The following NISCH variants were observed in gnomAD, a reference collection of about 807,000 sequenced individuals.
NISCH encodes the protein I-1 receptor candidate protein.
A neutral mutation model predicts 138.4 loss-of-function variants in NISCH; 55 were observed. That is an observed-to-expected ratio of 0.40 (90% confidence interval 0.32 to 0.50). The LOEUF is 0.50. NISCH is among the 20% of genes least tolerant of loss of function. NISCH has a pLI of 0.71. For synonymous variants in NISCH, 860 were observed against 861.5 expected (o/e 1.00, Z 0.03); for missense variants, 1,643 against 2,005.5 (o/e 0.82, Z 3.45).
intron 4 of NISCH, chr3:52,471,468 A>C: frequency 2.6e-6 from 1 of 382,692 alleles, no homozygotes; most frequent in Non-Finnish European, 4.8e-6. Context: ...GGGTGTTTGC[A>C]TTTCGGAGGT....
At chr3:52,457,319 G>T (rs987455236) in intron 1 of NISCH, among the ~76,000 whole-genome samples, 1 of 152,160 alleles carries the variant, frequency 6.6e-6, no homozygotes, top group Non-Finnish European at 1.5e-5. Flanking sequence ...TTGATTCCTG[G>T]CTCAGCAGCA....
chr3:52,473,589 A>G (rs1171221165), intron 6 of NISCH, 145 bp from the exon 7 acceptor site: 3 of 532,830 alleles, frequency 5.6e-6, no homozygotes, highest in South Asian at 2.8e-5. Context: ...AAAAAGAGAC[A>G]CTTTGGTCTT....
intron 3 of NISCH, among the ~76,000 whole-genome samples, chr3:52,464,517 C>CTTTTTTTTTTTTTTTTT (rs71084185): frequency 7.9e-5 from 6 of 75,818 alleles, no homozygotes; most frequent in African/African-American, 1.1e-4. Context: ...TGTGAGTTGT[C>CTTTTTTTTTTTTTTTTT]TTTTTTTTTT....
Position 52,491,953 on chromosome 3 carries a change from C to G in NISCH, c.3986C>G (p.Thr1329Arg), listed in dbSNP as rs750890708. 3 of 1,613,688 alleles carry G rather than the reference C, an allele frequency of 1.9e-6. No homozygotes were observed. The highest frequency in any genetic ancestry group is 2.2e-5 in the South Asian group (2 of 91,084). Residue 1329 changes from threonine (T) to arginine (R), a missense_variant, in exon 21 of 21, where the codon ACG becomes AGG. By Grantham distance (71) the Thr-to-Arg change is moderately conservative (BLOSUM62 -1). Coordinates refer to ENST00000345716, the MANE Select transcript of NISCH (RefSeq NM_007184.4). Reference sequence around the variant, plus strand: ...AGTGAGGAGGAGATTGGGGACCTGACGTTCACTGTGGCCCAAAAGATGGCT... The same window carrying G: ...AGTGAGGAGGAGATTGGGGACCTGAGGTTCACTGTGGCCCAAAAGATGGCT... ...YPSEEEIGDL[T>R]FTVAQKMAEP... is the part of the protein sequence containing the mutation.
At chr3:52,484,462 T>TTGGGCC in intron 13 of NISCH, 51 bp from the exon 14 acceptor site, 396 of 788,606 alleles carry the variant, frequency 5.0e-4, no homozygotes, top group Non-Finnish European at 6.6e-4. Flanking sequence ...ACAGCCGCTC[T>TTGGGCC]CCCCGCCCCA....
chr3:52,481,115 C>T, intron 13 of NISCH: 1 of 1,287,774 alleles, frequency 7.8e-7, no homozygotes, highest in Non-Finnish European at 9.8e-7. Context: ...ACCTGGTAAC[C>T]CCACTGGTGG....
At chr3:52,491,215 A>C in intron 19 of NISCH, 137 bp from the exon 20 acceptor site, 1 of 1,357,354 alleles carries the variant, frequency 7.4e-7, no homozygotes, top group East Asian at 2.6e-5. Flanking sequence ...CCCGGGCCCC[A>C]TGATTCTTTC....
rs370475843 is a variant in NISCH at position 52,487,823 on chromosome 3, G to A, written c.2331G>A (p.Glu777=). 15 of 1,613,218 alleles carry A rather than the reference G, an allele frequency of 9.3e-6. No homozygotes were observed. In the African/African-American group the frequency reaches 2.0e-4, roughly 22 times the overall value. ...CCGAGTTTGGCTTCCTCATGCCGGA[G>A]CTGTGTCTGGTGCTCAAGGTACGGC... The part of the protein sequence containing the change: ...DLTEFGFLMP[E]LCLVLKVRHS... Residue 777 remains glutamate (E), a synonymous_variant, in exon 16 of 21, where the codon GAG becomes GAA. Coordinates refer to ENST00000345716, the MANE Select transcript of NISCH (RefSeq NM_007184.4). The surrounding 1 kb of genome is among the most constrained non-coding windows in gnomAD (Gnocchi z 9.1).
Position 52,480,208 on chromosome 3 carries a change from G to C in NISCH, c.1441G>C (p.Ala481Pro). The change falls in exon 13 of 21, where the codon GCT (alanine) becomes CCT (proline). Residue 481 changes from alanine (A) to proline (P), a missense_variant. Ala to Pro is a conservative substitution (Grantham distance 27). Transcript: ENST00000345716. Reference sequence around the variant, plus strand: ...GGGTGGTGAAGACTCCCGGCTCTCAGCTGCCCCCTGCATCAGACCCAGCAG... The same window carrying C: ...GGGTGGTGAAGACTCCCGGCTCTCACCTGCCCCCTGCATCAGACCCAGCAG... ...KKGGEDSRLS[A>P]APCIRPSSSP... The C allele has an allele frequency of 6.2e-7, 1 of 1,613,894 alleles. No individual in the cohort carries two copies. The highest frequency in any genetic ancestry group is 8.5e-7 in the Non-Finnish European group (1 of 1,180,008).
At position 52,492,255 on chromosome 3, in the gene NISCH, C is replaced by T; in HGVS notation, c.4288C>T (p.Leu1430Phe). The T allele has an allele frequency of 6.2e-7, 1 of 1,613,260 alleles. No homozygotes were observed. The highest frequency in any genetic ancestry group is 1.1e-5 in the South Asian group (1 of 91,082). ...GGGCTACCAGACCTACCCGCAGGCCCTCACCCTCGTCTTCGATGACGTGCA... is the reference window on the plus strand; with the variant it reads ...GGGCTACCAGACCTACCCGCAGGCCTTCACCCTCGTCTTCGATGACGTGCA... ...LMGYQTYPQALTLVFDDVQGH... is the reference protein window; with the variant it reads ...LMGYQTYPQAFTLVFDDVQGH... Residue 1430 changes from leucine (L) to phenylalanine (F), a missense_variant, in exon 21 of 21, where the codon CTC (leucine) becomes TTC (phenylalanine). Coordinates refer to ENST00000345716, the MANE Select transcript of NISCH (RefSeq NM_007184.4).
chr3:52,483,036 G>A (rs1031940988), intron 13 of NISCH, among the ~76,000 whole-genome samples: 119 of 152,324 alleles, frequency 7.8e-4, no homozygotes, highest in African/African-American at 2.7e-3. Flanking sequence ...GGTGAATCTC[G>A]AAGGTGAATA....
chr3:52,485,878 A>G (rs773959352), intron 15 of NISCH, 51 bp downstream of exon 15: 2 of 1,517,082 alleles, frequency 1.3e-6, no homozygotes, highest in Admixed American at 3.9e-5. Flanking sequence ...AGCCTTATGC[A>G]CACACACTGC....
rs777570260 is a variant in NISCH, at chr3:52,457,875, T to C, written c.126T>C (p.His42=). The C allele has an allele frequency of 9.3e-6, 15 of 1,612,354 alleles. No homozygotes were observed. Among genetic ancestry groups the C allele is most frequent in the African/African-American group, 2.7e-5 (2 of 74,920 alleles). The part of the protein sequence containing the change: ...VYIIQVTDGS[H]EWTVKHRYSD... ...TCATCCAGGTCACTGATGGCAGCCA[T>C]GAGTGGACAGTAAAGCACCGCTACA... The change falls in exon 2 of 21, where the codon CAT becomes CAC. Residue 42 remains histidine, a synonymous_variant. Transcript: ENST00000345716.
chr3:52,474,778 G>A (rs927333131), intron 7 of NISCH, among the ~76,000 whole-genome samples: 26 of 152,126 alleles, frequency 1.7e-4, no homozygotes, highest in African/African-American at 4.3e-4. Context: ...GGCAAGTGGC[G>A]GGACCTTTAT....
intron 13 of NISCH, chr3:52,481,069 ATG>A: frequency 7.6e-7 from 1 of 1,312,704 alleles, no homozygotes; most frequent in East Asian, 3.0e-5. Context: ...GTTCAACCCG[ATG>A]TTTTAAGAGC....
intron 9 of NISCH, 96 bp from the exon 10 acceptor site, chr3:52,478,001 G>A: frequency 1.5e-6 from 2 of 1,290,680 alleles, no homozygotes; most frequent in Non-Finnish European, 2.2e-6. Flanking sequence ...GAACTGGGTA[G>A]TTTGGGTTGG....
Position 52,488,122 on chromosome 3 carries a change from G to A in NISCH, c.2630G>A (p.Gly877Asp), listed in dbSNP as rs150671822. 13 of 1,613,144 alleles carry A rather than the reference G, an allele frequency of 8.1e-6. No homozygotes were observed. The highest frequency in any genetic ancestry group is 2.2e-5 in the South Asian group (2 of 91,082). ...CAGACGGCCGCCGGGGACTACTCAGGCAACATCGAGTGGGCCAGCTGCACA... is the reference window on the plus strand; with the variant it reads ...CAGACGGCCGCCGGGGACTACTCAGACAACATCGAGTGGGCCAGCTGCACA... The part of the protein sequence containing the change: ...MVQTAAGDYS[G>D]NIEWASCTLC... Residue 877 changes from glycine (G) to aspartate (D), a missense_variant, in exon 16 of 21, where the codon GGC becomes GAC. Coordinates refer to ENST00000345716, the MANE Select transcript of NISCH (RefSeq NM_007184.4).
At chr3:52,471,398 A>C (rs1409009953) in intron 4 of NISCH, 1 of 293,252 alleles carries the variant, frequency 3.4e-6, no homozygotes, top group Non-Finnish European at 6.5e-6. Flanking sequence ...AGTTGGGCTC[A>C]GAACCCATCC....
At chr3:52,470,089 A>T (rs1197433389) in intron 3 of NISCH, among the ~76,000 whole-genome samples, 28 of 127,146 alleles carry the variant, frequency 2.2e-4, no homozygotes, top group Non-Finnish European at 2.3e-4. Context: ...GTCTCTATTT[A>T]AAAAAAAAAA....
Sources: allele counts gnomAD v4.1 joint callset (sites outside exome capture counted in the v4.1 genomes callset), GRCh38; gene constraint gnomAD v4.1.1; non-coding constraint Gnocchi (gnomAD v3.1); transcripts MANE v1.5; gene names NCBI Gene and HGNC (gene_info 2026-07-23, HGNC 2026-07-21).